Variants in MYO9A observed in about 807,000 individuals in gnomAD.
The protein encoded by MYO9A is myosin IXA.
MYO9A carries 103 observed loss-of-function variants against 293.3 expected under a neutral mutation model. That is an observed-to-expected ratio of 0.35 (90% CI 0.30 to 0.41). The LOEUF (loss-of-function observed/expected upper bound fraction) is 0.41, where lower values mean the gene tolerates loss of function less well. MYO9A is among the 10% of genes least tolerant of loss of function. MYO9A has a pLI of 1.00. For missense variants in MYO9A, 2,685 were observed against 3,033.0 expected (o/e 0.89, Z 2.69); for synonymous variants, 1,001 against 1,035.7 (o/e 0.97, Z 0.64).
intron 19 of MYO9A, among the ~76,000 whole-genome samples, chr15:71,912,050 G>T (rs1187586420): frequency 1.3e-5 from 2 of 151,566 alleles, no homozygotes; most frequent in Non-Finnish European, 2.9e-5. Context: ...TTTTTTAAAG[G>T]ATTATTCTAG....
At chr15:71,928,026 TAA>T (rs1491476981) in intron 18 of MYO9A, among the ~76,000 whole-genome samples, 15 of 31,488 alleles carry the variant, frequency 4.8e-4, no homozygotes, top group African/African-American at 9.3e-4. Context: ...AATACCTTTC[TAA>T]TATATATATA....
At chr15:72,059,077 T>A (rs1437339684) in intron 1 of MYO9A, among the ~76,000 whole-genome samples, 2 of 152,214 alleles carry the variant, frequency 1.3e-5, no homozygotes, top group African/African-American at 4.8e-5. Context: ...ATGCAACATA[T>A]ATAGTCAAGT....
chr15:72,032,635 T>A (rs1278935253), intron 2 of MYO9A, 47 bp from the exon 3 acceptor site: 15 of 1,341,104 alleles, frequency 1.1e-5, no homozygotes, highest in African/African-American at 3.0e-5. Context: ...AAAAAAAAAT[T>A]TTTTTTTGGA....
intron 1 of MYO9A, among the ~76,000 whole-genome samples, chr15:72,073,238 A>G (rs2079246913): frequency 6.6e-6 from 1 of 152,240 alleles, no homozygotes; most frequent in South Asian, 2.1e-4. Flanking sequence ...ATTAAGACTC[A>G]GATCAGCAAC....
intron 1 of MYO9A, among the ~76,000 whole-genome samples, chr15:72,106,186 T>C (rs936413523): frequency 1.6e-4 from 25 of 151,832 alleles, no homozygotes; most frequent in African/African-American, 6.1e-4. Context: ...GGGATGAAAA[T>C]GAGATTCCTG....
At chr15:72,040,846 G>T (rs2078206701) in intron 2 of MYO9A, among the ~76,000 whole-genome samples, 2 of 152,132 alleles carry the variant, frequency 1.3e-5, no homozygotes, top group Non-Finnish European at 2.9e-5. Flanking sequence ...AAATAAAAAT[G>T]AAAACACAAT....
intron 14 of MYO9A, among the ~76,000 whole-genome samples, chr15:71,954,051 A>G (rs1215034756): frequency 2.6e-5 from 4 of 151,912 alleles, no homozygotes; most frequent in African/African-American, 9.7e-5. Flanking sequence ...ACGCACCACC[A>G]TGCCCAGCTA....
At chr15:71,999,982 C>G (rs1440129496) in intron 8 of MYO9A, 42 bp from the exon 9 acceptor site, 2 of 1,501,218 alleles carry the variant, frequency 1.3e-6, no homozygotes, top group South Asian at 2.4e-5. Flanking sequence ...AGATTTATGA[C>G]AATAGGTTGA....
chr15:72,064,116 T>A (rs1380136940), intron 1 of MYO9A, among the ~76,000 whole-genome samples: 1 of 152,080 alleles, frequency 6.6e-6, no homozygotes, highest in East Asian at 1.9e-4. Flanking sequence ...ATTAAAATAA[T>A]TTGGACTCAT....
intron 3 of MYO9A, among the ~76,000 whole-genome samples, chr15:72,031,434 C>T (rs766985013): frequency 1.6e-4 from 25 of 151,938 alleles, no homozygotes; most frequent in Non-Finnish European, 2.5e-4. Context: ...TGTAGTGAGC[C>T]GAGATTGCAC....
At chr15:71,851,089 A>G (rs139759832) in intron 37 of MYO9A, among the ~76,000 whole-genome samples, 164 bp downstream of exon 37, 1,871 of 152,336 alleles carry the variant, frequency 0.012, 57 homozygotes, top group Admixed American at 0.057. Flanking sequence ...GCTCAGCTGA[A>G]TATTTCTGCT....
At chr15:71,997,715 G>A (rs2148596068) in intron 9 of MYO9A, among the ~76,000 whole-genome samples, 1 of 152,116 alleles carries the variant, frequency 6.6e-6, no homozygotes, top group South Asian at 2.1e-4. Context: ...AAAAAAATTT[G>A]TAATGAAAAA....
At chr15:72,104,112 AG>A (rs1325860738) in intron 1 of MYO9A, among the ~76,000 whole-genome samples, 1 of 152,208 alleles carries the variant, frequency 6.6e-6, no homozygotes, top group Non-Finnish European at 1.5e-5. Flanking sequence ...ATCTTTTCCC[AG>A]GCTAGCAATA....
At chr15:71,969,882 C>T (rs1161919888) in intron 12 of MYO9A, among the ~76,000 whole-genome samples, 1 of 152,066 alleles carries the variant, frequency 6.6e-6, no homozygotes, top group Non-Finnish European at 1.5e-5. Context: ...TCTAGTGTTC[C>T]TCAAACACTA....
chr15:72,038,824 T>G (rs1428895556), intron 2 of MYO9A, among the ~76,000 whole-genome samples: 1 of 152,250 alleles, frequency 6.6e-6, no homozygotes, highest in Non-Finnish European at 1.5e-5. Flanking sequence ...CTTATTGTTT[T>G]GACCTTTGTT....
chr15:71,979,529 A>T (rs2076221224), intron 11 of MYO9A, among the ~76,000 whole-genome samples: 1 of 152,174 alleles, frequency 6.6e-6, no homozygotes, highest in Non-Finnish European at 1.5e-5. Context: ...ATCACATAAC[A>T]CATACTCATT....
rs1040603762 is a variant in MYO9A, at chr15:71,954,071, T to C, written c.2183-2175A>G. Among the ~76,000 whole-genome samples, 7 of 152,042 alleles carry C rather than the reference T, an allele frequency of 4.6e-5. No homozygotes were observed. In the East Asian group the frequency reaches 7.7e-4, roughly 17 times the overall value. ...CCACCATGCCCAGCTAATTTTTGTA[T>C]TTTTAGTGGAGATGGGGTTTCACCA... On this transcript the variant is annotated intron_variant, in intron 14 of 41. Transcript: ENST00000356056.
intron 2 of MYO9A, 32 bp from the exon 3 acceptor site, chr15:72,032,620 C>CT (rs1396306983): frequency 1.3e-6 from 2 of 1,510,390 alleles, no homozygotes; most frequent in East Asian, 4.7e-5. Context: ...ATTAGTTTCA[C>CT]TAAAAAAAAA....
intron 39 of MYO9A, among the ~76,000 whole-genome samples, chr15:71,831,637 A>G (rs957815575): frequency 3.3e-5 from 5 of 152,252 alleles, no homozygotes; most frequent in African/African-American, 1.2e-4. Context: ...AATTAATCTC[A>G]GATTGCTAAT....
Sources: allele counts gnomAD v4.1 joint callset (sites outside exome capture counted in the v4.1 genomes callset), GRCh38; gene constraint gnomAD v4.1.1; transcripts MANE v1.5; gene names NCBI Gene and HGNC (gene_info 2026-07-23, HGNC 2026-07-21).